Variants in HERC3 observed in about 807,000 individuals in gnomAD.
HERC3 encodes the protein HECT and RLD domain containing E3 ubiquitin protein ligase 3.
In HERC3, 58 loss-of-function variants were observed where a neutral mutation model predicts 129.9. The ratio of observed to expected loss-of-function variants is 0.45; its 90% CI spans 0.36 to 0.56. The LOEUF is 0.56. Among genes scored for constraint, HERC3 ranks in the 20% least tolerant of loss-of-function variants. The pLI, the probability that HERC3 is intolerant of heterozygous loss-of-function variation, is 0.00. For synonymous variants in HERC3, 430 were observed against 451.0 expected (o/e 0.95, Z 0.59); for missense variants, 835 against 1,244.2 (o/e 0.67, Z 4.95).
At chr4:88,587,688 A>G (rs1721566918), upstream of HERC3, among the ~76,000 whole-genome samples, 1 of 152,220 alleles carries the variant, frequency 6.6e-6, no homozygotes, top group African/African-American at 2.4e-5. Context: ...ACTTCAAAGG[A>G]AGGAGATTTT....
intron 3 of HERC3, among the ~76,000 whole-genome samples, chr4:88,622,850 A>C (rs968541144): frequency 5.9e-5 from 9 of 151,674 alleles, no homozygotes; most frequent in African/African-American, 2.2e-4. Context: ...AATTGCTTGA[A>C]CCCGGGAGGC....
At chr4:88,646,947 A>G (rs1467502324) in intron 3 of HERC3, among the ~76,000 whole-genome samples, 1 of 152,142 alleles carries the variant, frequency 6.6e-6, no homozygotes, top group Non-Finnish European at 1.5e-5. Flanking sequence ...GGGTAGCTGG[A>G]TTTCCTGTTG....
At chr4:88,548,695 C>G in the HERC3 span, among the ~76,000 whole-genome samples, 1 of 149,042 alleles carries the variant, frequency 6.7e-6, no homozygotes, top group Non-Finnish European at 1.5e-5. Context: ...GAGTCTCACT[C>G]TGTTGCCCAG....
At chr4:88,603,870 A>T (rs1241333857) in intron 2 of HERC3, among the ~76,000 whole-genome samples, 1 of 152,218 alleles carries the variant, frequency 6.6e-6, no homozygotes, top group Non-Finnish European at 1.5e-5. Context: ...TGTGCCTATT[A>T]TGTTGGTAAT....
chr4:88,636,325 G>T (rs1014337510), intron 3 of HERC3, among the ~76,000 whole-genome samples: 2 of 151,910 alleles, frequency 1.3e-5, no homozygotes, highest in Admixed American at 1.3e-4. Context: ...ATGGAAAGTG[G>T]AAAAAAGCAG....
At chr4:88,617,280 C>T (rs1725012983) in intron 3 of HERC3, among the ~76,000 whole-genome samples, 1 of 150,646 alleles carries the variant, frequency 6.6e-6, no homozygotes, top group African/African-American at 2.4e-5. Flanking sequence ...GTTGGTACTG[C>T]TAGGAAGAGG....
Sources: gnomAD v4.1 joint callset for allele counts (sites outside exome capture counted in the v4.1 genomes callset) on GRCh38, gnomAD v4.1.1 for gene constraint, MANE v1.5 for transcripts, NCBI Gene and HGNC (gene_info 2026-07-23, HGNC 2026-07-21) for gene names.